B4GALNT1: variants seen among roughly 807,000 people sequenced by gnomAD.
B4GALNT1 encodes the protein beta-1,4 N-acetylgalactosaminyltransferase 1.
In B4GALNT1, 43 loss-of-function variants were observed where a neutral mutation model predicts 55.2. The ratio of observed to expected loss-of-function variants is 0.78; its 90% CI spans 0.61 to 1.00. The LOEUF (loss-of-function observed/expected upper bound fraction) is 1.00, where lower values mean the gene tolerates loss of function less well. B4GALNT1 is among the 50% of genes least tolerant of loss of function. B4GALNT1 has a pLI of 0.00. For missense variants in B4GALNT1, 664 were observed against 729.7 expected (o/e 0.91, Z 1.04); for synonymous variants, 305 against 311.6 (o/e 0.98, Z 0.22).
At position 57,623,863 on chromosome 12, in the gene B4GALNT1, G is replaced by A. The variant is rs375009969; in HGVS notation, c.*2881C>T. 1.7e-5 allele frequency: 27 copies of A among 1,613,932 alleles called. No individual in the cohort carries two copies. The highest frequency in any genetic ancestry group is 3.3e-4 in the Middle Eastern group (2 of 6,080). On this transcript the variant is annotated 3_prime_UTR_variant, in exon 11 of 11. Coordinates refer to ENST00000341156, the MANE Select transcript of B4GALNT1 (RefSeq NM_001478.5). ...GGCAGGCCTCTTCTCCTGCACAGTG[G>A]TCCTGTCGGTGCTGCTGTGGCTGGG...
rs893488082 is a variant in B4GALNT1 at position 57,627,643 on chromosome 12, G to C, written c.1359C>G (p.Pro453=). The change falls in exon 10 of 11, where the codon CCC becomes CCG. Residue 453 remains proline, a synonymous_variant. Transcript: ENST00000341156. ...TDKVREVGFD[P]RLSRVAHLEF... is the part of the protein sequence containing the mutation. ...CCAGATGAGCCACGCGGCTGAGGCGGGGGTCGAAACCGACCTCGCGCACCT... is the reference window on the plus strand; with the variant it reads ...CCAGATGAGCCACGCGGCTGAGGCGCGGGTCGAAACCGACCTCGCGCACCT... 4 of 1,598,090 alleles carry C rather than the reference G, an allele frequency of 2.5e-6. No homozygotes were observed. Among genetic ancestry groups the C allele is most frequent in the Non-Finnish European group, 3.4e-6 (4 of 1,168,410 alleles).
rs772896451 is a variant in B4GALNT1 at position 57,628,231 on chromosome 12, G to A, written c.1034C>T (p.Ser345Phe). 1.2e-6 allele frequency: 2 copies of A among 1,614,292 alleles called. No individual in the cohort carries two copies. Among genetic ancestry groups the A allele is most frequent in the Non-Finnish European group, 1.7e-6 (2 of 1,180,056 alleles). Residue 345 changes from serine (S) to phenylalanine (F), a missense_variant, in exon 9 of 11, where the codon TCT becomes TTT. Physicochemically the swap from Ser to Phe is radical, Grantham distance 155 (BLOSUM62 -2). Transcript: ENST00000341156. ...CAGCACGTACTTGGTGGTTACTTGA[G>A]ACACGGCCAGGTTCCGGCCTGCGAA... ...GWFAGRNLAV[S>F]QVTTKYVLWV...
At chr12:57,629,339 A>C (rs528720959) in intron 6 of B4GALNT1, 193 bp from the exon 7 acceptor site, 2 of 487,156 alleles carry the variant, frequency 4.1e-6, no homozygotes, top group Non-Finnish European at 7.1e-6. Context: ...TTTTAAGTAA[A>C]AGCTAATCTT....
rs377289104 is a variant in B4GALNT1, at chr12:57,625,245, C to A, written c.*1499G>T. 1 of 1,614,016 alleles carries A rather than the reference C, an allele frequency of 6.2e-7. No homozygotes were observed. The highest frequency in any genetic ancestry group is 8.5e-7 in the Non-Finnish European group (1 of 1,180,028). On this transcript the variant is annotated 3_prime_UTR_variant, in exon 11 of 11. Coordinates refer to ENST00000341156, the MANE Select transcript of B4GALNT1 (RefSeq NM_001478.5). ...TCTTCTCCCATTCTAGTTGCTGAGCCTGTCAGGGTGGTGGTCCTAGACTTC... is the reference window on the plus strand; with the variant it reads ...TCTTCTCCCATTCTAGTTGCTGAGCATGTCAGGGTGGTGGTCCTAGACTTC...
intron 3 of B4GALNT1, 35 bp downstream of exon 3, chr12:57,631,165 C>T (rs566438671): frequency 1.2e-6 from 2 of 1,613,776 alleles, no homozygotes; most frequent in East Asian, 4.5e-5. Flanking sequence ...ACTGCTCTCC[C>T]CCTGAGGAGT....
In B4GALNT1 at chr12:57,629,085, G is replaced by A. The variant is rs1383691084; in HGVS notation, c.774C>T (p.Asn258=). 1 of 1,597,674 alleles carries A rather than the reference G, an allele frequency of 6.3e-7. No homozygotes were observed. Among genetic ancestry groups the A allele is most frequent in the Non-Finnish European group, 8.6e-7 (1 of 1,168,036 alleles). ...GAGACCCAGGTGGGTACAGCCGAGGGTTGGGCGGGTGTCTTATGCGGATAG... is the reference window on the plus strand; with the variant it reads ...GAGACCCAGGTGGGTACAGCCGAGGATTGGGCGGGTGTCTTATGCGGATAG... The part of the protein sequence containing the change: ...AFTIRIRHPP[N]PRLYPPGSLP... The change falls in exon 7 of 11, where the codon AAC becomes AAT. Residue 258 remains asparagine, a synonymous_variant. Transcript: ENST00000341156.
Position 57,631,053 on chromosome 12 carries a change from G to GTC in B4GALNT1, c.416_417insGA (p.Pro140ThrfsTer27), listed in dbSNP as rs2140251280. On this transcript the variant is annotated frameshift_variant, in exon 4 of 11. Transcript: ENST00000341156. LOFTEE classifies it high-confidence loss of function. ...GGTACTGGAGCGGGGAGTTGGCAGG[G>GTC]GCTATGAGCAGCTGGTCAGCTGGGG... The GTC allele has an allele frequency of 6.2e-7, 1 of 1,612,890 alleles. No individual in the cohort carries two copies. Among genetic ancestry groups the GTC allele is most frequent in the Non-Finnish European group, 8.5e-7 (1 of 1,179,572 alleles).
At position 57,627,768 on chromosome 12, in the gene B4GALNT1, A is replaced by G. The variant is rs1482652718; in HGVS notation, c.1234T>C (p.Cys412Arg). The change falls in exon 10 of 11, where the codon TGC becomes CGC. Residue 412 changes from cysteine (C) to arginine (R), a missense_variant. Physicochemically the swap from Cys to Arg is radical, Grantham distance 180. Transcript: ENST00000341156. ...TGGAAGCCGCGCCTTTGCCGGAGGCAGTTCCCGAGGCCTGGGGCGCCGGGC... is the reference window on the plus strand; with the variant it reads ...TGGAAGCCGCGCCTTTGCCGGAGGCGGTTCCCGAGGCCTGGGGCGCCGGGC... ...VEPGAPGLGN[C>R]LRQRRGFHHE... The G allele has an allele frequency of 1.9e-6, 3 of 1,606,310 alleles. No individual in the cohort carries two copies. Among genetic ancestry groups the G allele is most frequent in the Non-Finnish European group, 2.6e-6 (3 of 1,176,294 alleles).
intron 2 of B4GALNT1, 148 bp from the exon 3 acceptor site, chr12:57,631,512 T>C (rs765460869): frequency 4.4e-6 from 4 of 911,238 alleles, no homozygotes; most frequent in Non-Finnish European, 6.6e-6. Context: ...CAAATAGTCC[T>C]CGGGAGGGGG....
At position 57,632,494 on chromosome 12, in the gene B4GALNT1, C is replaced by G. The variant is rs1337620677; in HGVS notation, c.-2+278G>C. On this transcript the variant is annotated intron_variant, in intron 1 of 10. Coordinates refer to ENST00000341156, the MANE Select transcript of B4GALNT1 (RefSeq NM_001478.5). Reference sequence around the variant, plus strand: ...GGGCAGTGGCAGTCCCCAAGCCCGCCGCCCGCCCTGGCCGGCGCGCCCCCG... The same window carrying G: ...GGGCAGTGGCAGTCCCCAAGCCCGCGGCCCGCCCTGGCCGGCGCGCCCCCG... The G allele has an allele frequency of 1.7e-5, 6 of 345,932 alleles. No individual in the cohort carries two copies. The East Asian group carries it at 4.6e-4, about 27-fold the overall frequency. 21.4% of individuals were successfully genotyped at this position (345,932 alleles called of 1,614,324 possible). A position where few individuals can be genotyped will look rare whatever the true frequency, so the allele number is the denominator to read the frequency against.
rs774898 is a variant in B4GALNT1, at chr12:57,633,003, G to T, written c.-233C>A. The T allele has an allele frequency of 0.25, 38,495 of 152,362 alleles. 5,144 individuals are homozygous for T. The highest frequency in any genetic ancestry group is 0.32 in the African/African-American group (13,398 of 41,524). 9.4% of individuals were successfully genotyped at this position (152,362 alleles called of 1,614,324 possible). Reference sequence around the variant, plus strand: ...TGGTGGTTCTGGGCGTTTCCTGCCCGGGGGCGGTTGGCGGGGCGCGAGGAC... The same window carrying T: ...TGGTGGTTCTGGGCGTTTCCTGCCCTGGGGCGGTTGGCGGGGCGCGAGGAC... On this transcript the variant is annotated 5_prime_UTR_variant, in exon 1 of 11. Coordinates refer to ENST00000341156, the MANE Select transcript of B4GALNT1 (RefSeq NM_001478.5).
At chr12:57,629,898 G>C (rs1485084709) in intron 6 of B4GALNT1, 5 of 1,533,468 alleles carry the variant, frequency 3.3e-6, no homozygotes, top group East Asian at 2.4e-5. Flanking sequence ...TCTTCCTGGG[G>C]CCCCCCACAG....
chr12:57,624,128 C>G lies in B4GALNT1; in HGVS notation c.*2616G>C, dbSNP rs778283744. 1 of 1,607,026 alleles carries G rather than the reference C, an allele frequency of 6.2e-7. No homozygotes were observed. The highest frequency in any genetic ancestry group is 8.5e-7 in the Non-Finnish European group (1 of 1,174,450). ...GAAATGCCATTACCCCCAGATTGCC[C>G]CCTCTCATCTTGTTAGCATCCCCAG... On this transcript the variant is annotated 3_prime_UTR_variant, in exon 11 of 11. Transcript: ENST00000341156.
Position 57,623,707 on chromosome 12 carries a change from TG to T in B4GALNT1, c.*3036del. The T allele has an allele frequency of 1.4e-6, 1 of 721,618 alleles. No homozygotes were observed. The highest frequency in any genetic ancestry group is 2.3e-6 in the Non-Finnish European group (1 of 433,128). The allele number at this position is 721,618 out of a possible 1,614,324, so 44.7% of individuals were successfully genotyped here. A position where few individuals can be genotyped will look rare whatever the true frequency, so the allele number is the denominator to read the frequency against. On this transcript the variant is annotated 3_prime_UTR_variant, in exon 11 of 11. Transcript: ENST00000341156. ...AATGGCAGAATATTAAGAAGGGGGT[TG>T]TGTGGAAGGAGATTTGGGAGAAGGG...
intron 2 of B4GALNT1, 86 bp from the exon 3 acceptor site, chr12:57,631,450 T>G: frequency 6.8e-7 from 1 of 1,469,758 alleles, no homozygotes; most frequent in Non-Finnish European, 9.4e-7. Context: ...ACCCCACACC[T>G]TGGCCCTGCA....
chr12:57,628,425 A>T, intron 8 of B4GALNT1, 163 bp from the exon 9 acceptor site: 1 of 1,060,238 alleles, frequency 9.4e-7, no homozygotes. Context: ...AGATCCCCAC[A>T]GAGGTTCCAA....
Position 57,625,204 on chromosome 12 carries a change from C to T in B4GALNT1, c.*1540G>A. 1 of 1,614,104 alleles carries T rather than the reference C, an allele frequency of 6.2e-7. No homozygotes were observed. The highest frequency in any genetic ancestry group is 1.1e-5 in the South Asian group (1 of 91,076). ...AAGATTTGGGCATGTTGCATGGTGA[C>T]ACCTGGGTACTCCTGTCTTCTCCCA... On this transcript the variant is annotated 3_prime_UTR_variant, in exon 11 of 11. Transcript: ENST00000341156.
intron 6 of B4GALNT1, chr12:57,629,781 T>C (rs1356336850): frequency 4.9e-6 from 7 of 1,437,652 alleles, no homozygotes; most frequent in Non-Finnish European, 6.4e-6. Flanking sequence ...AGAGGGCTTT[T>C]AGGCCTCTTT....
chr12:57,625,664 A>G lies in B4GALNT1; in HGVS notation c.*1080T>C. ...AGCTGTTTGTGAGTGTGCAGGATGC[A>G]GCTGCTTATGCCCTGGGGAGCCTGT... is the stretch of plus-strand genomic sequence containing the variant. On this transcript the variant is annotated 3_prime_UTR_variant, in exon 11 of 11. Transcript: ENST00000341156. 6.3e-7 allele frequency: 1 copy of G among 1,588,582 alleles called. No homozygotes were observed. Among genetic ancestry groups the G allele is most frequent in the Non-Finnish European group, 8.6e-7 (1 of 1,167,256 alleles).
Sources: gnomAD v4.1 joint callset for allele counts on GRCh38, gnomAD v4.1.1 for gene constraint, MANE v1.5 for transcripts, NCBI Gene and HGNC (gene_info 2026-07-23, HGNC 2026-07-21) for gene names.